CDH18: variants seen among roughly 807,000 people sequenced by gnomAD.
CDH18 encodes the protein cadherin 18, also known as cadherin-18.
CDH18 carries 31 observed loss-of-function variants against 67.9 expected under a neutral mutation model. That is an observed-to-expected ratio of 0.46 (90% CI 0.34 to 0.62). The LOEUF (loss-of-function observed/expected upper bound fraction) is 0.62, where lower values mean the gene tolerates loss of function less well. Among genes scored for constraint, CDH18 ranks in the 20% least tolerant of loss-of-function variants. The pLI, the probability that CDH18 is intolerant of heterozygous loss-of-function variation, is 0.01. For missense variants in CDH18, 890 were observed against 975.5 expected, an observed-to-expected ratio of 0.91 and a Z score of 1.17; for synonymous variants, 362 against 347.2, an observed-to-expected ratio of 1.04 and a Z score of -0.48.
chr5:19,963,641 A>G (rs1009834757), intron 2 of CDH18, among the ~76,000 whole-genome samples: 1 of 152,084 alleles, frequency 6.6e-6, no homozygotes, highest in Admixed American at 6.5e-5. Context: ...AACCATGATT[A>G]TAAGTTTCCT....
intron 1 of CDH18, among the ~76,000 whole-genome samples, chr5:20,325,104 T>C (rs1238888299): frequency 6.6e-6 from 1 of 152,236 alleles, no homozygotes; most frequent in Non-Finnish European, 1.5e-5. Flanking sequence ...TTTTAAGGTT[T>C]GTAAAGTTTC....
chr5:20,096,202 T>C (rs1202686970), intron 2 of CDH18, among the ~76,000 whole-genome samples: 1 of 152,188 alleles, frequency 6.6e-6, no homozygotes, highest in African/African-American at 2.4e-5. Context: ...TGAATGCGTA[T>C]TCAAAATGTC....
intron 8 of CDH18, among the ~76,000 whole-genome samples, chr5:19,551,998 G>A (rs543179950): frequency 1.1e-4 from 17 of 152,248 alleles, no homozygotes; most frequent in Middle Eastern, 3.4e-3. Context: ...TCAATCAACA[G>A]TTATAATGGA....
chr5:20,397,479 C>T (rs1321658094), intron 1 of CDH18, among the ~76,000 whole-genome samples: 1 of 151,944 alleles, frequency 6.6e-6, no homozygotes, highest in Non-Finnish European at 1.5e-5. Flanking sequence ...AAATTACTAG[C>T]CTAGGAACTG....
intron 1 of CDH18, among the ~76,000 whole-genome samples, chr5:20,428,537 T>C (rs1748493507): frequency 6.6e-6 from 1 of 152,194 alleles, no homozygotes; most frequent in Non-Finnish European, 1.5e-5. Flanking sequence ...TCCATAGTGG[T>C]TGAAATAATT....
rs572646774 is a variant in CDH18 at position 19,940,855 on chromosome 5, T to C, written c.-257+40205A>G. Among the ~76,000 whole-genome samples, 64 of 152,224 alleles carry C rather than the reference T, an allele frequency of 4.2e-4. 1 individual carries two copies. Among genetic ancestry groups the C allele is most frequent in the East Asian group, 1.4e-3 (7 of 5,176 alleles). On this transcript the variant is annotated intron_variant, in intron 2 of 12. Transcript: ENST00000382275. ...CCAATTATTCTGTATTGTTTGCATATTTTTTCCCCAAGTAGAATTCAAGAT... is the reference window on the plus strand; with the variant it reads ...CCAATTATTCTGTATTGTTTGCATACTTTTTCCCCAAGTAGAATTCAAGAT...
intron 2 of CDH18, among the ~76,000 whole-genome samples, chr5:20,013,539 A>T (rs916301240): frequency 6.6e-6 from 1 of 152,034 alleles, no homozygotes; most frequent in South Asian, 2.1e-4. Flanking sequence ...GCTTCTTCGT[A>T]TCTGATTCTG....
chr5:19,529,101 T>G (rs140836650), intron 9 of CDH18, among the ~76,000 whole-genome samples: 1,909 of 152,038 alleles, frequency 0.013, 21 homozygotes, highest in South Asian at 0.031. Flanking sequence ...GAATGCTCTC[T>G]GGGAGAAGAG....
At chr5:19,618,323 C>T (rs1029594074) in intron 5 of CDH18, among the ~76,000 whole-genome samples, 11 of 151,690 alleles carry the variant, frequency 7.3e-5, no homozygotes, top group African/African-American at 1.5e-4. Context: ...CCCCTGCGTT[C>T]GCTTCCTGAG....
At chr5:20,198,027 C>A (rs1284981304) in intron 2 of CDH18, among the ~76,000 whole-genome samples, 1 of 152,166 alleles carries the variant, frequency 6.6e-6, no homozygotes, top group Non-Finnish European at 1.5e-5. Context: ...CCCTCTCCTA[C>A]CGCCCTGTGA....
intron 2 of CDH18, among the ~76,000 whole-genome samples, chr5:20,090,776 T>A (rs1745347818): frequency 6.6e-6 from 1 of 151,842 alleles, no homozygotes. Context: ...ACACCAGTAA[T>A]CCCAACACTT....
chr5:20,417,345 A>G (rs562491070), intron 1 of CDH18, among the ~76,000 whole-genome samples: 3 of 152,270 alleles, frequency 2.0e-5, no homozygotes, highest in Non-Finnish European at 4.4e-5. Flanking sequence ...TTCTTCATCA[A>G]TTCCTTTTTG....
Position 19,897,877 on chromosome 5 carries a change from AG to A in CDH18, c.-256-58636del, listed in dbSNP as rs1017792904. ...TGAAAGTAGAAGTCAGGAACCTTGT[AG>A]GGGGTGAACAGCAATTAGCATAGCA... On this transcript the variant is annotated intron_variant, in intron 2 of 12. Coordinates refer to ENST00000382275, the MANE Select transcript of CDH18 (RefSeq NM_004934.5). Among the ~76,000 whole-genome samples the A allele has an allele frequency of 1.1e-3, 171 of 152,234 alleles. 1 individual carries two copies. Among genetic ancestry groups the A allele is most frequent in the African/African-American group, 3.9e-3 (161 of 41,594 alleles).
At chr5:19,990,887 G>T (rs1469903793), upstream of CDH18, among the ~76,000 whole-genome samples, 1 of 152,146 alleles carries the variant, frequency 6.6e-6, no homozygotes, top group African/African-American at 2.4e-5. Flanking sequence ...TTATGTCTAA[G>T]ATTACTTCAA....
At chr5:20,283,484 C>A (rs755237285) in intron 1 of CDH18, among the ~76,000 whole-genome samples, 1 of 151,310 alleles carries the variant, frequency 6.6e-6, no homozygotes, top group Non-Finnish European at 1.5e-5. Context: ...AAATGGAAAA[C>A]GGGTATATGA....
chr5:20,454,756 C>T (rs1288010091), intron 1 of CDH18, among the ~76,000 whole-genome samples: 1 of 152,072 alleles, frequency 6.6e-6, no homozygotes, highest in Non-Finnish European at 1.5e-5. Flanking sequence ...CTTCTGTGTG[C>T]ACACATGGGA....
At chr5:20,276,524 T>G (rs898831148) in intron 1 of CDH18, among the ~76,000 whole-genome samples, 2 of 152,126 alleles carry the variant, frequency 1.3e-5, no homozygotes, top group African/African-American at 4.8e-5. Flanking sequence ...GAGCCCTGAA[T>G]AGTCAGAATC....
chr5:19,880,858 CA>C (rs1418911467), intron 2 of CDH18, among the ~76,000 whole-genome samples: 1 of 152,168 alleles, frequency 6.6e-6, no homozygotes, highest in Non-Finnish European at 1.5e-5. Context: ...CATTAACTCT[CA>C]AAAGGAATGT....
At chr5:19,902,130 TGTA>T (rs1324366331) in intron 2 of CDH18, among the ~76,000 whole-genome samples, 1 of 152,168 alleles carries the variant, frequency 6.6e-6, no homozygotes, top group African/African-American at 2.4e-5. Context: ...AATGAATAAA[TGTA>T]GTACTTTACA....
Sources: gnomAD v4.1 joint callset for allele counts (sites outside exome capture counted in the v4.1 genomes callset) on GRCh38, gnomAD v4.1.1 for gene constraint, MANE v1.5 for transcripts, NCBI Gene and HGNC (gene_info 2026-07-23, HGNC 2026-07-21) for gene names.